USP46: variants seen among roughly 807,000 people sequenced by gnomAD.
USP46 encodes the protein ubiquitin carboxyl-terminal hydrolase 46.
USP46 carries 12 observed loss-of-function variants against 44.4 expected under a neutral mutation model. That is an observed-to-expected ratio of 0.27 (90% CI 0.17 to 0.44). The LOEUF (loss-of-function observed/expected upper bound fraction) is 0.44. USP46 is among the 20% of genes least tolerant of loss of function. The probability of loss-of-function intolerance (pLI) is 1.00; values close to 1 mark genes in which losing one functional copy is unlikely to be tolerated. For synonymous variants in USP46, 155 were observed against 161.5 expected (o/e 0.96, Z 0.31); for missense variants, 248 against 444.8 (o/e 0.56, Z 3.98).
chr4:52,603,148 C>T lies in USP46; in HGVS notation c.723-1094G>A, dbSNP rs925393534. ...TAGAGAAATAAGAAGTATGGGGAAC[C>T]CCATGTTTTATGGGAACACATGACA... On this transcript the variant is annotated intron_variant, in intron 6 of 8. Transcript: ENST00000441222. 7.9e-5 allele frequency among the ~76,000 whole-genome samples: 12 copies of T among 152,066 alleles called. No homozygotes were observed. The East Asian group carries it at 2.1e-3, about 27-fold the overall frequency.
At chr4:52,629,596 C>T (rs375279079) in intron 2 of USP46, 5 of 456,250 alleles carry the variant, frequency 1.1e-5, no homozygotes, top group Admixed American at 2.3e-5. Flanking sequence ...GCTTAGCTTT[C>T]CTCCTTCCAT....
rs555765137 is a variant in USP46, at chr4:52,606,389, A to T, written c.639-1805T>A. 3.3e-5 allele frequency among the ~76,000 whole-genome samples: 5 copies of T among 152,292 alleles called. No individual in the cohort carries two copies. In the South Asian group the frequency reaches 1.0e-3, roughly 32 times the overall value. ...TTTATAAAGAAAAAGAGGTTTAATG[A>T]ACTCACAGTTTCACATAGCTGGGGA... On this transcript the variant is annotated intron_variant, in intron 5 of 8. Transcript: ENST00000441222.
In USP46 at chr4:52,597,583, C is replaced by T. The variant is rs1419297624; in HGVS notation, c.*57G>A. On this transcript the variant is annotated 3_prime_UTR_variant, in exon 9 of 9. Coordinates refer to ENST00000441222, the MANE Select transcript of USP46 (RefSeq NM_022832.4). ...GGAAGAGGAAAGCCTGCGGAGAAGCCGGGTGACAGTGCTGTGAACATTCTC... is the reference window on the plus strand; with the variant it reads ...GGAAGAGGAAAGCCTGCGGAGAAGCTGGGTGACAGTGCTGTGAACATTCTC... 57 of 1,235,954 alleles carry T rather than the reference C, an allele frequency of 4.6e-5. No individual in the cohort carries two copies. The highest frequency in any genetic ancestry group is 5.6e-5 in the Non-Finnish European group (49 of 868,206). The allele number at this position is 1,235,954 out of a possible 1,614,324, so 76.6% of individuals were successfully genotyped here. A position where few individuals can be genotyped will look rare whatever the true frequency, so the allele number is the denominator to read the frequency against.
intron 1 of USP46, among the ~76,000 whole-genome samples, chr4:52,645,653 C>T (rs1373402483): frequency 6.6e-6 from 1 of 152,112 alleles, no homozygotes; most frequent in East Asian, 1.9e-4. Context: ...ACTTTACCCA[C>T]AAATACACTT....
chr4:52,652,235 A>G (rs1327258143), intron 1 of USP46, among the ~76,000 whole-genome samples: 2 of 152,226 alleles, frequency 1.3e-5, no homozygotes, highest in Admixed American at 6.5e-5. Context: ...AAGTCTAGCA[A>G]TATCAAATAT....
At position 52,641,168 on chromosome 4, in the gene USP46, G is replaced by T. The variant is rs141788416; in HGVS notation, c.37-10024C>A. Among the ~76,000 whole-genome samples, 24 of 152,200 alleles carry T rather than the reference G, an allele frequency of 1.6e-4. No homozygotes were observed. The East Asian group carries it at 4.6e-3, about 29-fold the overall frequency. The stretch of plus-strand genomic sequence containing the variant: ...TGCACAAGACACAAAAGGCAATGAG[G>T]GGAACTGAAAAATAATTGTTATATG... On this transcript the variant is annotated intron_variant, in intron 1 of 8. Transcript: ENST00000441222.
chr4:52,630,736 C>CAAAAAAAAAAAAAAAAAAAA (rs10566870), intron 2 of USP46, among the ~76,000 whole-genome samples: 2 of 92,290 alleles, frequency 2.2e-5, no homozygotes, highest in Non-Finnish European at 2.2e-5. Flanking sequence ...GACTCTGTCT[C>CAAAAAAAAAAAAAAAAAAAA]AAAAAAAAAA....
rs950952406 is a variant in USP46, at chr4:52,595,229, T to G, written c.*2411A>C. 2.0e-5 allele frequency: 3 copies of G among 152,606 alleles called. No individual in the cohort carries two copies. The highest frequency in any genetic ancestry group is 6.5e-5 in the Admixed American group (1 of 15,278). The allele number at this position is 152,606 out of a possible 1,614,324, so 9.5% of individuals were successfully genotyped here. ...CCACACCATTTCCTGCTTTACACTG[T>G]GAATGAGGGATGTAAACTAAAAGTG... is the stretch of plus-strand genomic sequence containing the variant. On this transcript the variant is annotated 3_prime_UTR_variant, in exon 9 of 9. Coordinates refer to ENST00000441222, the MANE Select transcript of USP46 (RefSeq NM_022832.4).
chr4:52,603,962 G>A (rs200762035), intron 6 of USP46, among the ~76,000 whole-genome samples: 1 of 152,152 alleles, frequency 6.6e-6, no homozygotes, highest in African/African-American at 2.4e-5. Flanking sequence ...TGGGATTATA[G>A]GTGTGAGCCA....
At chr4:52,650,567 C>A (rs568441014) in intron 1 of USP46, among the ~76,000 whole-genome samples, 61 of 152,176 alleles carry the variant, frequency 4.0e-4, no homozygotes, top group African/African-American at 1.4e-3. Flanking sequence ...AGTAATATGT[C>A]TAAAAATAAA....
intron 8 of USP46, among the ~76,000 whole-genome samples, chr4:52,598,064 A>G (rs1462548993): frequency 6.6e-6 from 1 of 152,216 alleles, no homozygotes; most frequent in East Asian, 1.9e-4. Context: ...TTCGGCCACC[A>G]GAGTTCATCT....
intron 1 of USP46, among the ~76,000 whole-genome samples, chr4:52,649,719 C>G (rs868289136): frequency 2.6e-5 from 4 of 152,210 alleles, no homozygotes; most frequent in South Asian, 2.1e-4. Flanking sequence ...ATTCATTTAT[C>G]AATATTTATT....
intron 1 of USP46, among the ~76,000 whole-genome samples, chr4:52,632,665 T>C (rs1175476414): frequency 1.3e-5 from 2 of 150,798 alleles, no homozygotes; most frequent in African/African-American, 4.9e-5. Flanking sequence ...CTACAAAAAA[T>C]ATAAAACTTA....
rs10010306 is a variant in USP46 at position 52,597,637 on chromosome 4, C to A, written c.*3G>T. ...ACGTGAATCAGTCCCGCAGGTCTTT[C>A]AGTTACTCTCTTGACTGATAGAATA... On this transcript the variant is annotated 3_prime_UTR_variant, in exon 9 of 9. Transcript: ENST00000441222. 12,971 of 1,568,084 alleles carry A rather than the reference C, an allele frequency of 8.3e-3. 215 individuals are homozygous for A. Among genetic ancestry groups the A allele is most frequent in the African/African-American group, 0.053 (3,950 of 74,096 alleles).
chr4:52,600,545 A>C (rs1716428439), intron 7 of USP46, among the ~76,000 whole-genome samples: 2 of 151,984 alleles, frequency 1.3e-5, no homozygotes, highest in Non-Finnish European at 2.9e-5. Flanking sequence ...ACAGAAACTG[A>C]CCTTAGAGAA....
chr4:52,605,599 C>A (rs1304211365), intron 5 of USP46, among the ~76,000 whole-genome samples: 1 of 152,196 alleles, frequency 6.6e-6, no homozygotes, highest in South Asian at 2.1e-4. Flanking sequence ...ATTAAGTCCC[C>A]AAATGTTTCC....
chr4:52,606,799 G>A (rs1469124687), intron 5 of USP46, among the ~76,000 whole-genome samples: 2 of 152,192 alleles, frequency 1.3e-5, no homozygotes, highest in African/African-American at 4.8e-5. Context: ...CATGGTGGAG[G>A]GGGCATTGGA....
intron 1 of USP46, among the ~76,000 whole-genome samples, chr4:52,640,695 A>T (rs1321745064): frequency 2.6e-5 from 4 of 151,462 alleles, no homozygotes; most frequent in Non-Finnish European, 4.4e-5. Flanking sequence ...AGTCCCAGCT[A>T]CTCAGGAGAC....
At chr4:52,598,601 C>T in intron 8 of USP46, 27 bp downstream of exon 8, 1 of 1,593,010 alleles carries the variant, frequency 6.3e-7, no homozygotes, top group Non-Finnish European at 8.6e-7. Context: ...TGCTCTATGA[C>T]TACTGGAGAA....
Sources: allele counts gnomAD v4.1 joint callset (sites outside exome capture counted in the v4.1 genomes callset), GRCh38; gene constraint gnomAD v4.1.1; transcripts MANE v1.5; gene names NCBI Gene and HGNC (gene_info 2026-07-23, HGNC 2026-07-21).